The following PLB1 variants were observed in gnomAD, a reference collection of about 807,000 sequenced individuals.
The protein encoded by PLB1 is phospholipase B1, membrane-associated.
PLB1 carries 242 observed loss-of-function variants against 227.4 expected under a neutral mutation model. The ratio of observed to expected loss-of-function variants is 1.06; its 90% CI spans 0.96 to 1.18. The LOEUF (loss-of-function observed/expected upper bound fraction) is 1.18, where lower values mean the gene tolerates loss of function less well. Ranked by LOEUF, PLB1 falls within the 50% of genes most tolerant of loss-of-function variation. The pLI is 0.00. For synonymous variants in PLB1, 757 were observed against 682.2 expected (o/e 1.11, Z -1.71); for missense variants, 1,858 against 1,816.3 (o/e 1.02, Z -0.42).
At chr2:28,558,869 C>T (rs1675584644) in intron 17 of PLB1, among the ~76,000 whole-genome samples, 2 of 152,138 alleles carry the variant, frequency 1.3e-5, no homozygotes, top group African/African-American at 2.4e-5. Context: ...TTTATACATA[C>T]ACACAGGAGA....
Position 28,543,280 on chromosome 2 carries a change from G to T in PLB1, c.936+12G>T. 6.2e-7 allele frequency: 1 copy of T among 1,610,358 alleles called. No homozygotes were observed. The highest frequency in any genetic ancestry group is 8.5e-7 in the Non-Finnish European group (1 of 1,178,530). On this transcript the variant is annotated intron_variant, in intron 14 of 57. Coordinates refer to ENST00000327757, the MANE Select transcript of PLB1 (RefSeq NM_153021.5). ...TCTGGAATAGGATGGTGAGTAGATG[G>T]GGCCTGGGGTGGGGCCCACAGAGGA... is the stretch of plus-strand genomic sequence containing the variant.
rs1171267358 is a variant in PLB1, at chr2:28,620,335, G to A, written c.3383+3G>A. ...TCTTGGAGGGGACTCTCTTGGAGGT[G>A]AGGATGTTCTTGATGCATGCTCTAT... is the stretch of plus-strand genomic sequence containing the variant. On this transcript the variant is annotated splice_donor_region_variant and intron_variant, in intron 47 of 57. Transcript: ENST00000327757. 19 of 1,597,180 alleles carry A rather than the reference G, an allele frequency of 1.2e-5. No individual in the cohort carries two copies. Among genetic ancestry groups the A allele is most frequent in the Non-Finnish European group, 1.5e-5 (18 of 1,169,740 alleles).
chr2:28,635,436 T>C (rs1689178101), intron 56 of PLB1, among the ~76,000 whole-genome samples: 1 of 152,240 alleles, frequency 6.6e-6, no homozygotes, highest in African/African-American at 2.4e-5. Flanking sequence ...AGACTGTTCA[T>C]GGCACAAGGG....
At chr2:28,620,356 T>C in intron 47 of PLB1, 24 bp downstream of exon 47, 4 of 1,569,940 alleles carry the variant, frequency 2.5e-6, no homozygotes, top group Non-Finnish European at 3.5e-6. Context: ...TGATGCATGC[T>C]CTATTGATGA....
intron 20 of PLB1, among the ~76,000 whole-genome samples, chr2:28,571,398 T>G (rs1677993427): frequency 6.6e-6 from 1 of 152,206 alleles, no homozygotes; most frequent in Non-Finnish European, 1.5e-5. Context: ...ACGGATTCAA[T>G]GTGATCCCTA....
intron 20 of PLB1, among the ~76,000 whole-genome samples, chr2:28,569,098 C>G (rs2148249383): frequency 6.6e-6 from 1 of 152,312 alleles, no homozygotes; most frequent in South Asian, 2.1e-4. Flanking sequence ...GCTGAGTAAA[C>G]CTGCAGCAGT....
At chr2:28,630,555 C>A (rs368323609) in intron 53 of PLB1, 31 bp from the exon 54 acceptor site, 4 of 1,590,542 alleles carry the variant, frequency 2.5e-6, no homozygotes, top group Non-Finnish European at 3.4e-6. Context: ...GTGCCCCAGG[C>A]AGCCTCAATA....
At chr2:28,571,970 A>T (rs1055408349) in intron 20 of PLB1, among the ~76,000 whole-genome samples, 83 of 152,364 alleles carry the variant, frequency 5.4e-4, no homozygotes, top group African/African-American at 1.8e-3. Flanking sequence ...CATATATCAA[A>T]GAAAGTAAAG....
intron 9 of PLB1, among the ~76,000 whole-genome samples, chr2:28,532,400 G>A (rs774449099): frequency 6.6e-6 from 1 of 152,184 alleles, no homozygotes; most frequent in Non-Finnish European, 1.5e-5. Flanking sequence ...AGAAACGTAC[G>A]CTTGAACAGG....
At chr2:28,639,583 T>A (rs1478069133) in intron 56 of PLB1, among the ~76,000 whole-genome samples, 2 of 152,242 alleles carry the variant, frequency 1.3e-5, no homozygotes, top group South Asian at 2.1e-4. Context: ...TCGGAGCAGG[T>A]TGTGTACTGA....
intron 57 of PLB1, among the ~76,000 whole-genome samples, chr2:28,642,125 A>G (rs1690043169): frequency 6.6e-6 from 1 of 151,974 alleles, no homozygotes; most frequent in Non-Finnish European, 1.5e-5. Flanking sequence ...TCTCTTACCT[A>G]CCATTCCTGT....
chr2:28,501,845 T>C (rs890562739), intron 1 of PLB1, among the ~76,000 whole-genome samples: 4 of 152,180 alleles, frequency 2.6e-5, no homozygotes, highest in Non-Finnish European at 5.9e-5. Context: ...GTATGTACCA[T>C]ATATACCACC....
At chr2:28,500,354 G>A (rs1323541684) in intron 1 of PLB1, among the ~76,000 whole-genome samples, 3 of 152,210 alleles carry the variant, frequency 2.0e-5, no homozygotes, top group Admixed American at 1.3e-4. Context: ...TGGTGAAGGT[G>A]TGGCTGCCTG....
At chr2:28,551,268 G>A (rs553321956) in intron 16 of PLB1, among the ~76,000 whole-genome samples, 1 of 152,356 alleles carries the variant, frequency 6.6e-6, no homozygotes, top group African/African-American at 2.4e-5. Context: ...CCCCTGACGG[G>A]CGCTCATGCC....
intron 13 of PLB1, among the ~76,000 whole-genome samples, chr2:28,542,207 TC>T (rs1248592633): frequency 6.6e-6 from 1 of 151,564 alleles, no homozygotes; most frequent in Non-Finnish European, 1.5e-5. Context: ...TGCCCCCTCT[TC>T]CACCTTACCC....
intron 23 of PLB1, 149 bp from the exon 24 acceptor site, chr2:28,581,919 C>T (rs1680081863): frequency 1.6e-6 from 1 of 640,244 alleles, no homozygotes; most frequent in Non-Finnish European, 2.6e-6. Flanking sequence ...CATGATCACA[C>T]CACTGCACTC....
Position 28,589,759 on chromosome 2 carries a change from T to A in PLB1, c.2005T>A (p.Trp669Arg). Residue 669 changes from tryptophan (W) to arginine (R), a missense_variant, in exon 28 of 58, where the codon TGG (tryptophan) becomes AGG (arginine). Transcript: ENST00000327757. ...KSHSRAASAL[W>R]NNMLEPVGQK... ...TCACTCCCGAGCAGCCAGTGCTCTC[T>A]GGAACAATATGGTAAGTGGCTGCGG... 2 of 1,613,232 alleles carry A rather than the reference T, an allele frequency of 1.2e-6. No individual in the cohort carries two copies. Among genetic ancestry groups the A allele is most frequent in the South Asian group, 2.2e-5 (2 of 91,076 alleles).
chr2:28,523,169 A>G (rs1669749314), intron 4 of PLB1, among the ~76,000 whole-genome samples: 1 of 152,144 alleles, frequency 6.6e-6, no homozygotes, highest in African/African-American at 2.4e-5. Flanking sequence ...AGATGTACGC[A>G]CAATAGAAGA....
In PLB1 at chr2:28,569,980, GAAAGA is replaced by G. The variant is rs1677732121; in HGVS notation, c.1324+3145_1324+3149del. On this transcript the variant is annotated intron_variant, in intron 20 of 57. Coordinates refer to ENST00000327757, the MANE Select transcript of PLB1 (RefSeq NM_153021.5). ...GACTCCATCTCAAAAAAAAAAAAAA[GAAAGA>G]AAAAAGAAAATCTGAATAGATTTAT... Among the ~76,000 whole-genome samples the G allele has an allele frequency of 3.2e-4, 11 of 34,530 alleles. 1 individual carries two copies. The highest frequency in any genetic ancestry group is 3.0e-3 in the Admixed American group (9 of 2,954). The allele number at this position is 34,530 out of a possible 152,430, so 22.7% of individuals were successfully genotyped here.
Sources: allele counts gnomAD v4.1 joint callset (sites outside exome capture counted in the v4.1 genomes callset), GRCh38; gene constraint gnomAD v4.1.1; transcripts MANE v1.5; gene names NCBI Gene and HGNC (gene_info 2026-07-23, HGNC 2026-07-21).